Variants in CLGN observed in about 807,000 individuals in gnomAD.
The protein encoded by CLGN is testis tissue sperm-binding protein Li 79P.
Under a neutral mutation model 79.1 loss-of-function variants are expected in CLGN, and 62 were observed. The observed-to-expected ratio is 0.78, with a 90% confidence interval of 0.64 to 0.97. The LOEUF is 0.97. CLGN is among the 50% of genes least tolerant of loss of function. The pLI, the probability that CLGN is intolerant of heterozygous loss-of-function variation, is 0.00. For synonymous variants in CLGN, 225 were observed against 224.7 expected (o/e 1.00, Z -0.01); for missense variants, 647 against 715.5 (o/e 0.90, Z 1.09).
rs539900107 is a variant in CLGN, at chr4:140,416,923, T to C, written c.-9-3836A>G. On this transcript the variant is annotated intron_variant, in intron 1 of 14. Coordinates refer to ENST00000325617, the MANE Select transcript of CLGN (RefSeq NM_004362.3). ...AAAAGAGAATTTTAGACCAATATCC[T>C]TGATGAACATTGATGCAAAAATCCT... 2.8e-3 allele frequency among the ~76,000 whole-genome samples: 433 copies of C among 152,024 alleles called. 3 individuals are homozygous for C. The highest frequency in any genetic ancestry group is 9.7e-3 in the African/African-American group (404 of 41,470).
At chr4:140,421,862 C>A (rs148541115) in intron 1 of CLGN, among the ~76,000 whole-genome samples, 1 of 152,108 alleles carries the variant, frequency 6.6e-6, no homozygotes, top group East Asian at 1.9e-4. Context: ...AAATTACTGG[C>A]AAATTCAATG....
rs989236872 is a variant in CLGN, at chr4:140,414,715, T to C, written c.-9-1628A>G. Among the ~76,000 whole-genome samples the C allele has an allele frequency of 7.3e-4, 107 of 146,394 alleles. 1 individual carries two copies. Among genetic ancestry groups the C allele is most frequent in the Non-Finnish European group, 1.3e-3 (88 of 66,646 alleles). The stretch of plus-strand genomic sequence containing the variant: ...TGGGACTATGTGAAAAGACCAAATC[T>C]ACGTCTGATTGGTGTACCTAAAAGT... On this transcript the variant is annotated intron_variant, in intron 1 of 14. Transcript: ENST00000325617.
intron 1 of CLGN, among the ~76,000 whole-genome samples, chr4:140,422,875 C>A (rs1729497226): frequency 6.6e-6 from 1 of 152,084 alleles, no homozygotes; most frequent in Admixed American, 6.5e-5. Flanking sequence ...CCTTGGCCTC[C>A]AAAATTGCTG....
chr4:140,424,168 T>A (rs1044604615), intron 1 of CLGN, among the ~76,000 whole-genome samples: 8 of 152,200 alleles, frequency 5.3e-5, no homozygotes, highest in Admixed American at 5.2e-4. Flanking sequence ...ATTTCCCTTT[T>A]AACACTGCTT....
At chr4:140,403,156 G>A (rs886118334) in intron 5 of CLGN, among the ~76,000 whole-genome samples, 3 of 152,120 alleles carry the variant, frequency 2.0e-5, no homozygotes, top group Non-Finnish European at 2.9e-5. Flanking sequence ...TACAACAGTG[G>A]CCACAAGCAT....
At chr4:140,392,081 C>G (rs1407073173) in intron 13 of CLGN, 138 bp downstream of exon 13, 1 of 1,069,014 alleles carries the variant, frequency 9.4e-7, no homozygotes, top group African/African-American at 1.6e-5. Flanking sequence ...TCCTTCTTGC[C>G]ACAGTCACAT....
rs1162212217 is a variant in CLGN, at chr4:140,398,263, CTT to C, written c.884+586_884+587del. Among the ~76,000 whole-genome samples the C allele has an allele frequency of 2.3e-3, 201 of 86,774 alleles. 1 individual carries two copies. Among genetic ancestry groups the C allele is most frequent in the South Asian group, 0.017 (37 of 2,220 alleles). 56.9% of individuals were successfully genotyped at this position (86,774 alleles called of 152,430 possible). A position where few individuals can be genotyped will look rare whatever the true frequency, so the allele number is the denominator to read the frequency against. Reference sequence around the variant, plus strand: ...TCTCTCATTTAAGGGCAAACATACTCTTTTTTTTTTTTTTTTTTTTTTTTGAG... The same window carrying C: ...TCTCTCATTTAAGGGCAAACATACTCTTTTTTTTTTTTTTTTTTTTTTGAG... On this transcript the variant is annotated intron_variant, in intron 8 of 14. Coordinates refer to ENST00000325617, the MANE Select transcript of CLGN (RefSeq NM_004362.3).
chr4:140,402,418 T>C (rs1201931083), intron 5 of CLGN, among the ~76,000 whole-genome samples: 5 of 151,990 alleles, frequency 3.3e-5, no homozygotes, highest in East Asian at 1.9e-4. Flanking sequence ...GCACTATACT[T>C]ACACTTTATA....
rs34215026 is a variant in CLGN at position 140,396,890 on chromosome 4, T to TATAC, written c.885-686_885-685insGTAT. ...ATATATATACATATATATATATATATGTATATATATATATATGTATATATA... is the reference window on the plus strand; with the variant it reads ...ATATATATACATATATATATATATATATACGTATATATATATATATGTATATATA... On this transcript the variant is annotated intron_variant, in intron 8 of 14. Coordinates refer to ENST00000325617, the MANE Select transcript of CLGN (RefSeq NM_004362.3). 3.6e-3 allele frequency among the ~76,000 whole-genome samples: 185 copies of TATAC among 51,482 alleles called. 2 individuals are homozygous for TATAC. The highest frequency in any genetic ancestry group is 0.021 in the South Asian group (26 of 1,258). The allele number at this position is 51,482 out of a possible 152,430, so 33.8% of individuals were successfully genotyped here. A position where few individuals can be genotyped will look rare whatever the true frequency, so the allele number is the denominator to read the frequency against.
intron 1 of CLGN, among the ~76,000 whole-genome samples, chr4:140,418,833 C>T (rs1729400147): frequency 6.6e-6 from 1 of 151,922 alleles, no homozygotes; most frequent in Non-Finnish European, 1.5e-5. Context: ...TACCATTTGA[C>T]CCAGCCATCC....
At chr4:140,403,036 G>C (rs1238417700) in intron 5 of CLGN, among the ~76,000 whole-genome samples, 1 of 151,776 alleles carries the variant, frequency 6.6e-6, no homozygotes, top group Non-Finnish European at 1.5e-5. Flanking sequence ...GAACTCAATT[G>C]GTGTACATAT....
chr4:140,417,848 CTACTT>C (rs1267716910), intron 1 of CLGN, among the ~76,000 whole-genome samples: 2 of 150,138 alleles, frequency 1.3e-5, no homozygotes, highest in Non-Finnish European at 3.0e-5. Context: ...TTGGAAAAAA[CTACTT>C]TAAAGTTCAT....
Position 140,398,920 on chromosome 4 carries a change from T to C in CLGN, c.815A>G (p.Asp272Gly), listed in dbSNP as rs1033523927. Reference sequence around the variant, plus strand: ...TTCATCCCATTCCTCAGGTTTTTTATCATTGGGATCTTCAATTTCTTTGGG... The same window carrying C: ...TTCATCCCATTCCTCAGGTTTTTTACCATTGGGATCTTCAATTTCTTTGGG... ...KPPKEIEDPNDKKPEEWDERA... is the reference protein window; with the variant it reads ...KPPKEIEDPNGKKPEEWDERA... The change falls in exon 8 of 15, where the codon GAT becomes GGT. Residue 272 changes from aspartate to glycine, a missense_variant. Physicochemically the swap from Asp to Gly is moderately conservative, Grantham distance 94 (BLOSUM62 -1). Transcript: ENST00000325617. The C allele has an allele frequency of 1.2e-6, 2 of 1,614,026 alleles. No individual in the cohort carries two copies. Among genetic ancestry groups the C allele is most frequent in the Non-Finnish European group, 8.5e-7 (1 of 1,179,942 alleles).
intron 12 of CLGN, 70 bp downstream of exon 12, chr4:140,392,516 T>A: frequency 6.6e-7 from 1 of 1,514,224 alleles, no homozygotes. Flanking sequence ...TAAGAATCGC[T>A]TAATTTATAG....
At chr4:140,405,811 G>A (rs1729096125) in intron 5 of CLGN, 131 bp downstream of exon 5, 2 of 791,068 alleles carry the variant, frequency 2.5e-6, no homozygotes, top group Admixed American at 6.7e-5. Context: ...ATGCACATTT[G>A]TGTTTTAACT....
At chr4:140,408,927 A>T (rs1729161461) in intron 4 of CLGN, among the ~76,000 whole-genome samples, 1 of 150,342 alleles carries the variant, frequency 6.7e-6, no homozygotes, top group South Asian at 2.1e-4. Flanking sequence ...GTGTATATGT[A>T]TATATATTTG....
intron 1 of CLGN, among the ~76,000 whole-genome samples, chr4:140,414,052 G>C (rs1235339799): frequency 1.3e-5 from 2 of 152,242 alleles, no homozygotes; most frequent in African/African-American, 4.8e-5. Context: ...CCTGACCCCT[G>C]AGCAGCCTAA....
At chr4:140,396,271 A>G in intron 8 of CLGN, 66 bp from the exon 9 acceptor site, 1 of 1,207,548 alleles carries the variant, frequency 8.3e-7, no homozygotes, top group East Asian at 2.3e-5. Context: ...TACAACACTA[A>G]GAAGGTACCA....
At position 140,409,835 on chromosome 4, in the gene CLGN, A is replaced by G; in HGVS notation, c.277+2T>C. The G allele has an allele frequency of 6.4e-7, 1 of 1,566,202 alleles. No homozygotes were observed. Among genetic ancestry groups the G allele is most frequent in the Non-Finnish European group, 8.8e-7 (1 of 1,141,268 alleles). Reference sequence around the variant, plus strand: ...TATCTAATACTTAAATAAATATTTTACCATCGTATATTGAAATTTCCTCAT... The same window carrying G: ...TATCTAATACTTAAATAAATATTTTGCCATCGTATATTGAAATTTCCTCAT... On this transcript the variant is annotated splice_donor_variant, in intron 4 of 14. Coordinates refer to ENST00000325617, the MANE Select transcript of CLGN (RefSeq NM_004362.3). LOFTEE classifies it high-confidence loss of function.
Sources: allele counts gnomAD v4.1 joint callset (sites outside exome capture counted in the v4.1 genomes callset), GRCh38; gene constraint gnomAD v4.1.1; transcripts MANE v1.5; gene names NCBI Gene and HGNC (gene_info 2026-07-23, HGNC 2026-07-21).